The following SYCP2 variants were observed in gnomAD, a reference collection of about 807,000 sequenced individuals.
The protein encoded by SYCP2 is synaptonemal complex lateral element protein.
A neutral mutation model predicts 211.3 loss-of-function variants in SYCP2; 55 were observed. The observed-to-expected ratio is 0.26, with a 90% CI of 0.21 to 0.33. The LOEUF is 0.33. Ranked by LOEUF, SYCP2 falls within the 10% of genes least tolerant of loss-of-function variation. The pLI, the probability that SYCP2 is intolerant of heterozygous loss-of-function variation, is 1.00. For missense variants in SYCP2, 1,731 were observed against 1,752.0 expected (o/e 0.99, Z 0.21); for synonymous variants, 570 against 555.2 (o/e 1.03, Z -0.37).
chr20:59,920,321 TTTCA>T, intron 5 of SYCP2, 34 bp downstream of exon 5: 1 of 1,478,342 alleles, frequency 6.8e-7, no homozygotes, highest in African/African-American at 1.4e-5. Context: ...TTTTATAATA[TTTCA>T]TTCACATGAA....
Position 59,892,381 on chromosome 20 carries a change from G to A in SYCP2, c.1973C>T (p.Ser658Leu). ...KKLTKQKSSSSISDHNSEGTG... is the reference protein window; with the variant it reads ...KKLTKQKSSSLISDHNSEGTG... ...TCCTTCAGAATTATGATCAGATATT[G>A]AAGAGGATGATTTTTGTTTAGTAAG... Residue 658 changes from serine to leucine, a missense_variant, in exon 24 of 45, where the codon TCA (serine) becomes TTA (leucine). By Grantham distance (145) the Ser-to-Leu change is moderately radical. Transcript: ENST00000357552. 1 of 1,571,402 alleles carries A rather than the reference G, an allele frequency of 6.4e-7. No homozygotes were observed. The highest frequency in any genetic ancestry group is 8.7e-7 in the Non-Finnish European group (1 of 1,154,530).
rs751038170 is a variant in SYCP2, at chr20:59,892,125, G to A, written c.2229C>T (p.Tyr743=). 1 of 1,612,058 alleles carries A rather than the reference G, an allele frequency of 6.2e-7. No homozygotes were observed. The highest frequency in any genetic ancestry group is 8.5e-7 in the Non-Finnish European group (1 of 1,178,922). ...IEESLIYRKK[Y]ILSKDVNTAT... is the part of the protein sequence containing the mutation. ...CAGTATTCACATCTTTTGACAATAT[G>A]TATTTCTTCCTATATATCAGCGATT... The change falls in exon 24 of 45, where the codon TAC becomes TAT. Residue 743 remains tyrosine, a synonymous_variant. Coordinates refer to ENST00000357552, the MANE Select transcript of SYCP2 (RefSeq NM_014258.4).
chr20:59,932,723 C>A (rs908561316), intron 1 of SYCP2, among the ~76,000 whole-genome samples: 7 of 152,118 alleles, frequency 4.6e-5, no homozygotes, highest in African/African-American at 1.2e-4. Flanking sequence ...CGCAGATGCT[C>A]GGCCAGCCTG....
chr20:59,882,708 A>C (rs928463152), intron 26 of SYCP2, among the ~76,000 whole-genome samples: 1 of 152,188 alleles, frequency 6.6e-6, no homozygotes, highest in African/African-American at 2.4e-5. Context: ...GTTTTCACTC[A>C]TAAGTGGGAG....
chr20:59,867,768 T>C lies in SYCP2; in HGVS notation c.4068A>G (p.Ile1356Met). The C allele has an allele frequency of 1.9e-6, 3 of 1,609,662 alleles. No individual in the cohort carries two copies. Among genetic ancestry groups the C allele is most frequent in the Non-Finnish European group, 2.5e-6 (3 of 1,176,854 alleles). Reference sequence around the variant, plus strand: ...TCTCGTAAGTCTCATAAGTCATCTCTATCCCTGCAAATTCATTTTGCCAGG... The same window carrying C: ...TCTCGTAAGTCTCATAAGTCATCTCCATCCCTGCAAATTCATTTTGCCAGG... ...WETWQNEFAGIEMTYETYERL... is the reference protein window; with the variant it reads ...WETWQNEFAGMEMTYETYERL... Residue 1356 changes from isoleucine to methionine, a missense_variant, in exon 39 of 45, where the codon ATA (isoleucine) becomes ATG (methionine). Physicochemically the swap from Ile to Met is conservative, Grantham distance 10 (BLOSUM62 1). Coordinates refer to ENST00000357552, the MANE Select transcript of SYCP2 (RefSeq NM_014258.4).
chr20:59,877,561 G>A lies in SYCP2; in HGVS notation c.2980-6C>T. 2.5e-6 allele frequency: 4 copies of A among 1,577,874 alleles called. No homozygotes were observed. The highest frequency in any genetic ancestry group is 3.4e-6 in the Non-Finnish European group (4 of 1,170,790). On this transcript the variant is annotated splice_region_variant and splice_polypyrimidine_tract_variant and intron_variant, in intron 32 of 44. Coordinates refer to ENST00000357552, the MANE Select transcript of SYCP2 (RefSeq NM_014258.4). ...GTGATATTTTTACTGGGTGTCTTTA[G>A]GAGAAAAATTCCTGAATATTAGATC...
intron 14 of SYCP2, among the ~76,000 whole-genome samples, chr20:59,908,445 C>G (rs2060253044): frequency 6.6e-6 from 1 of 152,046 alleles, no homozygotes; most frequent in Non-Finnish European, 1.5e-5. Context: ...ACCTCAGGAT[C>G]AGGAGGAAAG....
chr20:59,906,345 G>C (rs2060213301), intron 15 of SYCP2, among the ~76,000 whole-genome samples: 1 of 151,984 alleles, frequency 6.6e-6, no homozygotes, highest in African/African-American at 2.4e-5. Context: ...CTGACATAAA[G>C]AAAAGTAGAC....
At position 59,877,559 on chromosome 20, in the gene SYCP2, T is replaced by G; in HGVS notation, c.2980-4A>C. The G allele has an allele frequency of 6.3e-7, 1 of 1,581,052 alleles. No individual in the cohort carries two copies. Among genetic ancestry groups the G allele is most frequent in the East Asian group, 2.3e-5 (1 of 43,970 alleles). ...TTGTGATATTTTTACTGGGTGTCTT[T>G]AGGAGAAAAATTCCTGAATATTAGA... On this transcript the variant is annotated splice_region_variant and splice_polypyrimidine_tract_variant and intron_variant, in intron 32 of 44. Coordinates refer to ENST00000357552, the MANE Select transcript of SYCP2 (RefSeq NM_014258.4).
At chr20:59,875,522 G>A in intron 33 of SYCP2, 53 bp from the exon 34 acceptor site, 2 of 1,358,270 alleles carry the variant, frequency 1.5e-6, no homozygotes, top group South Asian at 2.7e-5. Flanking sequence ...ATTTACACTT[G>A]GACACATAAA....
chr20:59,914,449 G>A (rs1156876694), intron 10 of SYCP2, among the ~76,000 whole-genome samples, 198 bp from the exon 11 acceptor site: 1 of 151,896 alleles, frequency 6.6e-6, no homozygotes, highest in African/African-American at 2.4e-5. Context: ...AATAACAAGT[G>A]TGCCAACAGA....
intron 25 of SYCP2, 58 bp from the exon 26 acceptor site, chr20:59,886,022 G>A: frequency 7.9e-7 from 1 of 1,272,980 alleles, no homozygotes; most frequent in Non-Finnish European, 1.1e-6. Context: ...TATCATAAAA[G>A]TCATTTTAAG....
chr20:59,918,116 T>G (rs1477899840), intron 7 of SYCP2, among the ~76,000 whole-genome samples: 3 of 152,210 alleles, frequency 2.0e-5, no homozygotes, highest in African/African-American at 7.2e-5. Context: ...GGTTTTATTG[T>G]GACTTTTTGA....
intron 24 of SYCP2, among the ~76,000 whole-genome samples, chr20:59,889,739 A>AT (rs1441869221): frequency 1.3e-5 from 2 of 152,022 alleles, no homozygotes; most frequent in Non-Finnish European, 2.9e-5. Context: ...GATTTCAGAA[A>AT]TTCCAGTATA....
chr20:59,866,262 ACT>A, intron 41 of SYCP2, 29 bp downstream of exon 41: 1 of 1,438,170 alleles, frequency 7.0e-7, no homozygotes, highest in Non-Finnish European at 9.5e-7. Flanking sequence ...AAGGTTTTAA[ACT>A]TATTTAAAAA....
chr20:59,888,311 A>C (rs928828690), intron 24 of SYCP2, among the ~76,000 whole-genome samples: 6 of 152,114 alleles, frequency 3.9e-5, no homozygotes, highest in Non-Finnish European at 8.8e-5. Context: ...AACTATTACC[A>C]AGTGGATTTT....
At chr20:59,891,760 A>G (rs6071005) in intron 24 of SYCP2, among the ~76,000 whole-genome samples, 2 of 151,954 alleles carry the variant, frequency 1.3e-5, no homozygotes, top group African/African-American at 2.4e-5. Flanking sequence ...CAGGAACTGC[A>G]TGGTTCATTA....
At chr20:59,895,680 G>C (rs2059995089) in intron 19 of SYCP2, 83 bp from the exon 20 acceptor site, 6 of 1,469,526 alleles carry the variant, frequency 4.1e-6, no homozygotes, top group Non-Finnish European at 5.6e-6. Context: ...AGAAAGGTAA[G>C]AAACGAACAT....
At chr20:59,878,859 AC>A (rs1483916286) in intron 31 of SYCP2, among the ~76,000 whole-genome samples, 1 of 152,058 alleles carries the variant, frequency 6.6e-6, no homozygotes, top group East Asian at 1.9e-4. Flanking sequence ...AGTCTCTGAA[AC>A]CTAAGAAATA....
Sources: gnomAD v4.1 joint callset for allele counts (sites outside exome capture counted in the v4.1 genomes callset) on GRCh38, gnomAD v4.1.1 for gene constraint, MANE v1.5 for transcripts, NCBI Gene and HGNC (gene_info 2026-07-23, HGNC 2026-07-21) for gene names.